Variants in CAB39 observed in about 807,000 individuals in gnomAD.
The protein encoded by CAB39 is calcium-binding protein 39.
CAB39 carries 8 observed loss-of-function variants against 40.0 expected under a neutral mutation model. The ratio of observed to expected loss-of-function variants is 0.20; its 90% CI spans 0.12 to 0.36. The LOEUF (loss-of-function observed/expected upper bound fraction) is 0.36. Among genes scored for constraint, CAB39 ranks in the 10% least tolerant of loss-of-function variants. The pLI, the probability that CAB39 is intolerant of heterozygous loss-of-function variation, is 1.00. For missense variants in CAB39, 270 were observed against 401.1 expected (o/e 0.67, Z 2.79); for synonymous variants, 156 against 141.6 (o/e 1.10, Z -0.72).
chr2:230,773,464 A>C (rs1295401450), intron 2 of CAB39, among the ~76,000 whole-genome samples: 1 of 152,124 alleles, frequency 6.6e-6, no homozygotes, highest in African/African-American at 2.4e-5. Flanking sequence ...GAAACCATAA[A>C]GCACCCAGAA....
chr2:230,801,250 C>A (rs1398409828), intron 5 of CAB39, among the ~76,000 whole-genome samples: 1 of 152,142 alleles, frequency 6.6e-6, no homozygotes, highest in Non-Finnish European at 1.5e-5. Context: ...GCTAAACTAG[C>A]AGACAGGTGG....
At chr2:230,799,064 C>T (rs1696039427) in intron 5 of CAB39, 167 bp downstream of exon 5, 2 of 516,948 alleles carry the variant, frequency 3.9e-6, no homozygotes, top group Middle Eastern at 5.0e-4. Context: ...AAAGTCACAG[C>T]TTTAAAAGGG....
At chr2:230,737,049 T>C (rs1479246162) in intron 1 of CAB39, among the ~76,000 whole-genome samples, 1 of 152,218 alleles carries the variant, frequency 6.6e-6, no homozygotes, top group Non-Finnish European at 1.5e-5. Context: ...ATTTCAAATC[T>C]AGTTACATAA....
chr2:230,798,223 A>G (rs1462366129), intron 4 of CAB39, among the ~76,000 whole-genome samples: 2 of 152,226 alleles, frequency 1.3e-5, no homozygotes, highest in African/African-American at 4.8e-5. Context: ...TAGTGTTTAC[A>G]TGTGGCTGAG....
intron 1 of CAB39, among the ~76,000 whole-genome samples, chr2:230,756,589 A>G (rs1695194324): frequency 6.6e-6 from 1 of 152,246 alleles, no homozygotes. Flanking sequence ...TGATGAGCCT[A>G]AGAACATAAA....
intron 1 of CAB39, among the ~76,000 whole-genome samples, chr2:230,726,642 C>T (rs1237215954): frequency 6.6e-6 from 1 of 152,084 alleles, no homozygotes; most frequent in African/African-American, 2.4e-5. Context: ...TAGCATCTTC[C>T]TGTATGTAAA....
intron 5 of CAB39, among the ~76,000 whole-genome samples, chr2:230,808,081 T>C (rs1696235468): frequency 6.6e-6 from 1 of 151,792 alleles, no homozygotes; most frequent in South Asian, 2.1e-4. Context: ...CTTTTCTTTT[T>C]TTTTTTAATT....
In CAB39 at chr2:230,727,363, C is replaced by CGTGTGTGTGTGTGTGTGTGT. The variant is rs10542723; in HGVS notation, c.-44+14150_-44+14169dup. Among the ~76,000 whole-genome samples the CGTGTGTGTGTGTGTGTGTGT allele has an allele frequency of 3.8e-4, 48 of 126,940 alleles. 1 individual carries two copies. The highest frequency in any genetic ancestry group is 1.5e-3 in the African/African-American group (46 of 31,238). The allele number at this position is 126,940 out of a possible 152,430, so 83.3% of individuals were successfully genotyped here. A position where few individuals can be genotyped will look rare whatever the true frequency, so the allele number is the denominator to read the frequency against. On this transcript the variant is annotated intron_variant, in intron 1 of 8. Transcript: ENST00000258418. The stretch of plus-strand genomic sequence containing the variant: ...TAGAGCACTTGAATAGATTGTTAAC[C>CGTGTGTGTGTGTGTGTGTGT]GTGTGTGTGTGTGTGTGTGTGTGTG...
At chr2:230,778,843 A>G (rs1695639929) in intron 2 of CAB39, among the ~76,000 whole-genome samples, 1 of 152,174 alleles carries the variant, frequency 6.6e-6, no homozygotes, top group South Asian at 2.1e-4. Context: ...GGCAGTTGGA[A>G]CACAATGGCA....
At chr2:230,767,379 T>C (rs370703734) in intron 2 of CAB39, among the ~76,000 whole-genome samples, 4 of 152,372 alleles carry the variant, frequency 2.6e-5, no homozygotes, top group Non-Finnish European at 4.4e-5. Context: ...TTGTTCCCAC[T>C]GAGCTGTCCT....
intron 2 of CAB39, among the ~76,000 whole-genome samples, chr2:230,769,656 G>A (rs1356916809): frequency 6.6e-6 from 1 of 152,130 alleles, no homozygotes; most frequent in Non-Finnish European, 1.5e-5. Flanking sequence ...CGTACTTCTA[G>A]ATAACTCATG....
At chr2:230,760,840 A>T (rs896677831) in intron 2 of CAB39, among the ~76,000 whole-genome samples, 2 of 152,184 alleles carry the variant, frequency 1.3e-5, no homozygotes, top group Non-Finnish European at 2.9e-5. Context: ...TTCAGTTCTG[A>T]CTTCCATTCC....
At chr2:230,815,076 A>G (rs749405580) in intron 7 of CAB39, among the ~76,000 whole-genome samples, 8 of 152,226 alleles carry the variant, frequency 5.3e-5, no homozygotes, top group Non-Finnish European at 1.2e-4. Context: ...TTCTGTGGAA[A>G]AGACTAAAGG....
At chr2:230,746,872 C>T (rs1007696801) in intron 1 of CAB39, among the ~76,000 whole-genome samples, 1 of 152,046 alleles carries the variant, frequency 6.6e-6, no homozygotes, top group Admixed American at 6.6e-5. Flanking sequence ...AGCAGCATGC[C>T]AAATGTTATA....
chr2:230,808,539 G>A (rs564711203), intron 5 of CAB39, among the ~76,000 whole-genome samples: 1 of 152,332 alleles, frequency 6.6e-6, no homozygotes, highest in East Asian at 1.9e-4. Flanking sequence ...ACGGTACGAA[G>A]ATAATGGAAA....
At chr2:230,812,549 A>T (rs1480328819) in intron 6 of CAB39, among the ~76,000 whole-genome samples, 1 of 152,216 alleles carries the variant, frequency 6.6e-6, no homozygotes, top group Non-Finnish European at 1.5e-5. Flanking sequence ...CTGTATATAT[A>T]AGAACTTGAG....
intron 8 of CAB39, 104 bp downstream of exon 8, chr2:230,818,001 CTTAA>C: frequency 2.9e-6 from 3 of 1,032,042 alleles, no homozygotes; most frequent in Non-Finnish European, 4.3e-6. Context: ...ATCCAGGTGA[CTTAA>C]TTAAATTCAG....
At chr2:230,776,898 A>G (rs900515393) in intron 2 of CAB39, among the ~76,000 whole-genome samples, 1 of 152,202 alleles carries the variant, frequency 6.6e-6, no homozygotes, top group African/African-American at 2.4e-5. Flanking sequence ...CGTATTAGCC[A>G]GGATGGTCTC....
chr2:230,765,096 C>A (rs879293689), intron 2 of CAB39, among the ~76,000 whole-genome samples: 2 of 152,130 alleles, frequency 1.3e-5, no homozygotes, highest in African/African-American at 2.4e-5. Flanking sequence ...AAGAGATTGT[C>A]CTGCCTCAGC....
Sources: allele counts gnomAD v4.1 joint callset (sites outside exome capture counted in the v4.1 genomes callset), GRCh38; gene constraint gnomAD v4.1.1; transcripts MANE v1.5; gene names NCBI Gene and HGNC (gene_info 2026-07-23, HGNC 2026-07-21).